P4HB: variants seen among roughly 807,000 people sequenced by gnomAD.
P4HB encodes protein disulfide-isomerase.
In P4HB, 20 loss-of-function variants were observed where a neutral mutation model predicts 52.6. That is an observed-to-expected ratio of 0.38 (90% CI 0.27 to 0.55). The LOEUF (loss-of-function observed/expected upper bound fraction) is 0.55. P4HB is among the 20% of genes least tolerant of loss of function. P4HB has a pLI of 0.74. For synonymous variants in P4HB, 296 were observed against 277.9 expected (o/e 1.07, Z -0.65); for missense variants, 601 against 669.2 (o/e 0.90, Z 1.12).
intron 2 of P4HB, chr17:81,858,862 G>A (rs1403187607): frequency 1.5e-5 from 5 of 335,776 alleles, no homozygotes; most frequent in African/African-American, 1.1e-4. Flanking sequence ...AGGAACAGGG[G>A]GCAGCACAAA....
Position 81,859,349 on chromosome 17 carries a change from C to T in P4HB, c.184G>A (p.Glu62Lys), listed in dbSNP as rs2038962035. The T allele has an allele frequency of 6.2e-7, 1 of 1,613,906 alleles. No individual in the cohort carries two copies. The highest frequency in any genetic ancestry group is 8.5e-7 in the Non-Finnish European group (1 of 1,180,018). The change falls in exon 2 of 11, where the codon GAG becomes AAG. Residue 62 changes from glutamate to lysine, a missense_variant. Physicochemically the swap from Glu to Lys is moderately conservative, Grantham distance 56. Transcript: ENST00000331483. ...WCGHCKALAP[E>K]YAKAAGKLKA... Reference sequence around the variant, plus strand: ...AGCTTCCCAGCGGCTTTGGCATACTCAGGGGCCAGAGCCTTGCAGTGGCCA... The same window carrying T: ...AGCTTCCCAGCGGCTTTGGCATACTTAGGGGCCAGAGCCTTGCAGTGGCCA...
At position 81,847,266 on chromosome 17, in the gene P4HB, G is replaced by A. The variant is rs746419089; in HGVS notation, c.706C>T (p.Leu236Phe). 7 of 1,613,984 alleles carry A rather than the reference G, an allele frequency of 4.3e-6. No homozygotes were observed. The East Asian group carries it at 8.9e-5, about 21-fold the overall frequency. The change falls in exon 5 of 11, where the codon CTT becomes TTT. Residue 236 changes from leucine (L) to phenylalanine (F), a missense_variant. Transcript: ENST00000331483. ...LDFIKHNQLP[L>F]VIEFTEQTAP... ...ACCTGCTCGGTGAACTCGATGACAA[G>A]GGGCAGCTGGTTGTGTTTGATAAAG...
rs758374436 is a variant in P4HB at position 81,855,544 on chromosome 17, C to T, written c.395G>A (p.Arg132His). ...CAGGGTGGTGGCAGCCGGGCCCGTG[C>T]GCTTCTTCAGCCAGTTCACGATGTC... ...ADDIVNWLKK[R>H]TGPAATTLPD... Residue 132 changes from arginine (R) to histidine (H), a missense_variant, in exon 3 of 11, where the codon CGC becomes CAC. Arg to His is a conservative substitution (Grantham distance 29, BLOSUM62 0). Transcript: ENST00000331483. The surrounding 1 kb of genome is among the most constrained non-coding windows in gnomAD (Gnocchi z 4.3). The T allele has an allele frequency of 1.1e-5, 18 of 1,613,966 alleles. No individual in the cohort carries two copies. Among genetic ancestry groups the T allele is most frequent in the African/African-American group, 2.7e-5 (2 of 75,054 alleles).
At chr17:81,856,712 C>T (rs1402003950) in intron 2 of P4HB, among the ~76,000 whole-genome samples, 3 of 143,378 alleles carry the variant, frequency 2.1e-5, no homozygotes, top group Admixed American at 6.9e-5. Flanking sequence ...TGCAGTGGCG[C>T]CATCCTGGCT....
chr17:81,845,810 C>G lies in P4HB; in HGVS notation c.1177+61G>C, dbSNP rs549230866. 1.9e-5 allele frequency: 30 copies of G among 1,613,684 alleles called. No individual in the cohort carries two copies. The East Asian group carries it at 6.5e-4, about 35-fold the overall frequency. The stretch of plus-strand genomic sequence containing the variant: ...CACTGGCAGACGCTTCCCCAGGAGT[C>G]TGCCTACCTTGCGCGTGCCCTGGTG... On this transcript the variant is annotated intron_variant, in intron 8 of 10. Coordinates refer to ENST00000331483, the MANE Select transcript of P4HB (RefSeq NM_000918.4).
Position 81,846,655 on chromosome 17 carries a change from G to A in P4HB, c.856-26C>T, listed in dbSNP as rs202045261. On this transcript the variant is annotated intron_variant, in intron 6 of 10. Transcript: ENST00000331483. This position sits in a 1 kb window ranked among gnomAD's most constrained non-coding sequence, Gnocchi z 5.7. ...CTGGGGGAGAAAAGGAGGTTGCACA[G>A]GTGCGGGAGACGGCTGGCCTCTGCC... is the stretch of plus-strand genomic sequence containing the variant. 1.2e-6 allele frequency: 2 copies of A among 1,605,832 alleles called. No homozygotes were observed. The highest frequency in any genetic ancestry group is 1.7e-6 in the Non-Finnish European group (2 of 1,174,474).
intron 4 of P4HB, among the ~76,000 whole-genome samples, chr17:81,849,968 C>T (rs1302170235): frequency 1.3e-5 from 2 of 151,878 alleles, no homozygotes; most frequent in Admixed American, 6.6e-5. Context: ...GCTGGGATCA[C>T]AGGCACCCGC....
At chr17:81,860,129 G>C (rs2038975373) in intron 1 of P4HB, 198 bp downstream of exon 1, 1 of 422,260 alleles carries the variant, frequency 2.4e-6, no homozygotes, top group Non-Finnish European at 4.1e-6. Context: ...GCGGGCATCG[G>C]GACGGCCCCC....
intron 4 of P4HB, among the ~76,000 whole-genome samples, chr17:81,854,103 G>A (rs918965732): frequency 6.6e-6 from 1 of 152,250 alleles, no homozygotes; most frequent in Non-Finnish European, 1.5e-5. Flanking sequence ...TAATGCCCTT[G>A]GGGCTGAGGG....
chr17:81,847,511 G>C (rs542921569), intron 4 of P4HB, 164 bp from the exon 5 acceptor site: 1 of 643,480 alleles, frequency 1.6e-6, no homozygotes, highest in African/African-American at 1.8e-5. Context: ...GCTGTTCCTC[G>C]ACAGTAAGAC....
chr17:81,846,225 A>G lies in P4HB; in HGVS notation c.1056+204T>C. 1.4e-6 allele frequency: 1 copy of G among 722,564 alleles called. No individual in the cohort carries two copies. The highest frequency in any genetic ancestry group is 2.2e-6 in the Non-Finnish European group (1 of 447,686). 44.8% of individuals were successfully genotyped at this position (722,564 alleles called of 1,614,324 possible). ...CGGCCAGGAGGTTTCCCTGAGGAGCATCTGGGCCAGCCGTGTGGACAAGAG... is the reference window on the plus strand; with the variant it reads ...CGGCCAGGAGGTTTCCCTGAGGAGCGTCTGGGCCAGCCGTGTGGACAAGAG... On this transcript the variant is annotated intron_variant, in intron 7 of 10. Coordinates refer to ENST00000331483, the MANE Select transcript of P4HB (RefSeq NM_000918.4). The surrounding 1 kb of genome is among the most constrained non-coding windows in gnomAD (Gnocchi z 5.7).
chr17:81,856,590 G>T (rs570155662), intron 2 of P4HB, among the ~76,000 whole-genome samples: 2 of 150,830 alleles, frequency 1.3e-5, no homozygotes, highest in Non-Finnish European at 3.0e-5. Context: ...CTGCCTCAGC[G>T]GTCTCCCAAA....
Position 81,855,461 on chromosome 17 carries a change from A to C in P4HB, c.478T>G (p.Phe160Val), listed in dbSNP as rs748144155. Residue 160 changes from phenylalanine (F) to valine (V), a missense_variant, in exon 3 of 11, where the codon TTC becomes GTC. Coordinates refer to ENST00000331483, the MANE Select transcript of P4HB (RefSeq NM_000918.4). The surrounding 1 kb of genome is among the most constrained non-coding windows in gnomAD (Gnocchi z 4.3). ...AATGCTCTGGTCTCTACCTTGAAGAAGCCGATGACAGCCACCTCGCTGGAC... is the reference window on the plus strand; with the variant it reads ...AATGCTCTGGTCTCTACCTTGAAGACGCCGATGACAGCCACCTCGCTGGAC... ...VESSEVAVIG[F>V]FKDVESDSAK... The C allele has an allele frequency of 3.7e-6, 6 of 1,611,760 alleles. No individual in the cohort carries two copies. The highest frequency in any genetic ancestry group is 4.2e-6 in the Non-Finnish European group (5 of 1,178,738).
In P4HB at chr17:81,845,327, G is replaced by A; in HGVS notation, c.1360-97C>T. Reference sequence around the variant, plus strand: ...CCCTAGAGAAAGGCAGAGCAGGCCCGGTCCGGTGGCTCACACCCGGAATCC... The same window carrying A: ...CCCTAGAGAAAGGCAGAGCAGGCCCAGTCCGGTGGCTCACACCCGGAATCC... On this transcript the variant is annotated intron_variant, in intron 9 of 10. Transcript: ENST00000331483. 1.6e-5 allele frequency: 17 copies of A among 1,079,972 alleles called. 1 individual carries two copies. Among genetic ancestry groups the A allele is most frequent in the East Asian group, 5.0e-5 (2 of 39,638 alleles). The allele number at this position is 1,079,972 out of a possible 1,614,324, so 66.9% of individuals were successfully genotyped here. A position where few individuals can be genotyped will look rare whatever the true frequency, so the allele number is the denominator to read the frequency against.
Position 81,855,099 on chromosome 17 carries a change from A to G in P4HB, c.624+43T>C, listed in dbSNP as rs778439156. ...AGAGCAACGCCACCCTCTGCAGACCAACCCCAGAACTAACCTGGGCAGAGC... is the reference window on the plus strand; with the variant it reads ...AGAGCAACGCCACCCTCTGCAGACCGACCCCAGAACTAACCTGGGCAGAGC... On this transcript the variant is annotated intron_variant, in intron 4 of 10. Transcript: ENST00000331483. This position sits in a 1 kb window ranked among gnomAD's most constrained non-coding sequence, Gnocchi z 4.3. 11 of 1,606,304 alleles carry G rather than the reference A, an allele frequency of 6.8e-6. No individual in the cohort carries two copies. The Admixed American group carries it at 1.7e-4, about 24-fold the overall frequency.
At chr17:81,851,247 T>C (rs948983703) in intron 4 of P4HB, among the ~76,000 whole-genome samples, 1 of 152,212 alleles carries the variant, frequency 6.6e-6, no homozygotes, top group African/African-American at 2.4e-5. Flanking sequence ...ACTTCTTAAA[T>C]GAGACTTGGG....
chr17:81,847,277 T>C lies in P4HB; in HGVS notation c.695A>G (p.Asn232Ser), dbSNP rs1227768565. 1.5e-5 allele frequency: 25 copies of C among 1,613,958 alleles called. No homozygotes were observed. In the Admixed American group the frequency reaches 3.8e-4, roughly 25 times the overall value. The change falls in exon 5 of 11, where the codon AAC becomes AGC. Residue 232 changes from asparagine (N) to serine (S), a missense_variant. By Grantham distance (46) the Asn-to-Ser change is conservative. Transcript: ENST00000331483. ...KENLLDFIKH[N>S]QLPLVIEFTE... ...GAACTCGATGACAAGGGGCAGCTGG[T>C]TGTGTTTGATAAAGTCCAGCAGGTT...
At chr17:81,847,414 C>T in intron 4 of P4HB, 67 bp from the exon 5 acceptor site, 3 of 1,390,622 alleles carry the variant, frequency 2.2e-6, no homozygotes, top group Non-Finnish European at 3.1e-6. Flanking sequence ...GCCCGGGTCT[C>T]CCTGGACGTG....
Position 81,845,608 on chromosome 17 carries a change from G to A in P4HB, c.1312C>T (p.His438Tyr). The A allele has an allele frequency of 6.2e-7, 1 of 1,612,680 alleles. No homozygotes were observed. The highest frequency in any genetic ancestry group is 8.5e-7 in the Non-Finnish European group (1 of 1,178,954). Residue 438 changes from histidine to tyrosine, a missense_variant, in exon 9 of 11, where the codon CAC (histidine) becomes TAC (tyrosine). Coordinates refer to ENST00000331483, the MANE Select transcript of P4HB (RefSeq NM_000918.4). The part of the protein sequence containing the change: ...TANEVEAVKV[H>Y]SFPTLKFFPA... ...AAGAACTTGAGTGTGGGGAAGCTGT[G>A]CACTTTGACGGCCTCCACCTCGTTG...
Sources: gnomAD v4.1 joint callset for allele counts (sites outside exome capture counted in the v4.1 genomes callset) on GRCh38, gnomAD v4.1.1 for gene constraint, Gnocchi (gnomAD v3.1) non-coding constraint, MANE v1.5 for transcripts, NCBI Gene and HGNC (gene_info 2026-07-23, HGNC 2026-07-21) for gene names.